ALG13: variants seen among roughly 807,000 people sequenced by gnomAD.
The protein encoded by ALG13 is UDP-N-acetylglucosamine transferase subunit ALG13.
ALG13 carries 11 observed loss-of-function variants against 87.8 expected under a neutral mutation model. The ratio of observed to expected loss-of-function variants is 0.13; its 90% CI spans 0.08 to 0.21. The LOEUF is 0.21. Among genes scored for constraint, ALG13 ranks in the 10% least tolerant of loss-of-function variants. ALG13 has a pLI of 1.00. For synonymous variants in ALG13, 320 were observed against 306.3 expected (o/e 1.04, Z -0.47); for missense variants, 756 against 866.1 (o/e 0.87, Z 1.60).
chrX:111,693,133 G>C (rs1259329722), intron 3 of ALG13, among the ~76,000 whole-genome samples: 1 of 102,432 alleles, frequency 9.8e-6, no homozygotes. Flanking sequence ...TTCCCTACGT[G>C]AATGCTCTAT....
chrX:111,738,872 G>A (rs1943496068), intron 23 of ALG13, among the ~76,000 whole-genome samples: 1 of 108,549 alleles, frequency 9.2e-6, no homozygotes. Context: ...GTAAGAAGAG[G>A]GAAATCTAAA....
chrX:111,725,168 T>C, intron 15 of ALG13, 107 bp downstream of exon 15: 1 of 964,832 alleles, frequency 1.0e-6, no homozygotes, highest in Non-Finnish European at 1.4e-6. Flanking sequence ...TGTTGTAGGG[T>C]AGGGTTTCTC....
At chrX:111,752,927 A>G in intron 25 of ALG13, 97 bp downstream of exon 25, 1 of 575,293 alleles carries the variant, frequency 1.7e-6, no homozygotes, top group Non-Finnish European at 2.8e-6. Context: ...CAAAATCACT[A>G]AGGGGACTAA....
intron 25 of ALG13, among the ~76,000 whole-genome samples, chrX:111,756,374 A>G (rs1036160230): frequency 1.8e-5 from 2 of 111,664 alleles, no homozygotes; most frequent in Non-Finnish European, 3.8e-5. Context: ...ACAAACCTGC[A>G]TGTTCTGCAT....
chrX:111,700,532 T>C (rs1185002017), intron 3 of ALG13, among the ~76,000 whole-genome samples: 2 of 109,999 alleles, frequency 1.8e-5, no homozygotes, highest in East Asian at 2.9e-4. Flanking sequence ...TGTACTGATA[T>C]ACATTTCCTG....
chrX:111,691,611 G>A (rs1481745678), intron 3 of ALG13, among the ~76,000 whole-genome samples: 1 of 112,423 alleles, frequency 8.9e-6, no homozygotes, highest in Non-Finnish European at 1.9e-5. Context: ...AAGAGATGTT[G>A]TGGAAATTGT....
intron 24 of ALG13, among the ~76,000 whole-genome samples, chrX:111,746,214 G>A (rs1461807730): frequency 1.8e-5 from 2 of 111,472 alleles, no homozygotes; most frequent in East Asian, 5.7e-4. Flanking sequence ...AAACTTAAAT[G>A]CACATTAGCT....
intron 24 of ALG13, among the ~76,000 whole-genome samples, chrX:111,748,989 C>T (rs975797179): frequency 1.0e-4 from 11 of 110,131 alleles, no homozygotes; most frequent in Non-Finnish European, 1.5e-4. Flanking sequence ...AGGCTGAGGC[C>T]GGAGAATCAC....
At chrX:111,726,525 C>T (rs1942065481) in intron 15 of ALG13, among the ~76,000 whole-genome samples, 2 of 111,266 alleles carry the variant, frequency 1.8e-5, no homozygotes, top group Non-Finnish European at 3.8e-5. Context: ...AGCCACCGTG[C>T]CTGGCCATGG....
chrX:111,719,155 T>C (rs1474691916), intron 10 of ALG13, among the ~76,000 whole-genome samples: 1 of 108,870 alleles, frequency 9.2e-6, no homozygotes, highest in African/African-American at 3.4e-5. Context: ...GCCTCCCGAG[T>C]AGCTGGGACT....
chrX:111,721,811 A>C, intron 12 of ALG13, 100 bp downstream of exon 12: 1 of 482,474 alleles, frequency 2.1e-6, no homozygotes, highest in East Asian at 3.9e-5. Context: ...ACTGTTATAA[A>C]AAATAGCCTG....
chrX:111,742,541 A>G (rs777602918), intron 23 of ALG13, among the ~76,000 whole-genome samples: 1 of 112,402 alleles, frequency 8.9e-6, no homozygotes, highest in South Asian at 3.7e-4. Context: ...TATCAATTGT[A>G]AATAAAGACA....
chrX:111,717,772 G>C, intron 8 of ALG13, 74 bp from the exon 9 acceptor site: 1 of 730,866 alleles, frequency 1.4e-6, no homozygotes, highest in South Asian at 3.4e-5. Flanking sequence ...TCAATTTCAA[G>C]TTAATTATCA....
intron 3 of ALG13, among the ~76,000 whole-genome samples, chrX:111,701,436 G>A (rs1323905387): frequency 9.0e-6 from 1 of 111,360 alleles, no homozygotes; most frequent in Non-Finnish European, 1.9e-5. Flanking sequence ...TTGGTAGGTT[G>A]TATGTGTCTA....
chrX:111,726,735 G>T, intron 15 of ALG13, 74 bp from the exon 16 acceptor site: 6 of 1,122,352 alleles, frequency 5.3e-6, no homozygotes. Flanking sequence ...TTAAGGCAGT[G>T]TGGTGGTGAC....
rs187240766 is a variant in ALG13 at position 111,685,610 on chromosome X, G to A, written c.383+507G>A. Among the ~76,000 whole-genome samples the A allele has an allele frequency of 2.7e-5, 3 of 112,342 alleles. No homozygotes were observed. The East Asian group carries it at 8.4e-4, about 31-fold the overall frequency. ...GAGATAAAGTCCCTGTTCTTATGGT[G>A]CTTACATTCTAGTGGTGGAAAATTG... is the stretch of plus-strand genomic sequence containing the variant. On this transcript the variant is annotated intron_variant, in intron 3 of 26. Transcript: ENST00000394780.
chrX:111,742,018 TTTTA>T (rs1300177577), intron 23 of ALG13, among the ~76,000 whole-genome samples: 1 of 112,047 alleles, frequency 8.9e-6, no homozygotes, highest in Non-Finnish European at 1.9e-5. Context: ...CATTGTAATG[TTTTA>T]TTTATGTGGA....
intron 21 of ALG13, 50 bp downstream of exon 21, chrX:111,730,630 G>T (rs1223142364): frequency 1.1e-6 from 1 of 939,752 alleles, no homozygotes; most frequent in South Asian, 2.2e-5. Context: ...ATGTACTAGG[G>T]CACTGTTAAG....
chrX:111,708,647 TAAG>T (rs1939192333), intron 4 of ALG13, among the ~76,000 whole-genome samples: 1 of 111,156 alleles, frequency 9.0e-6, no homozygotes, highest in Non-Finnish European at 1.9e-5. Context: ...AGGGGTAAGA[TAAG>T]GAGGCTAAAG....
Sources: allele counts gnomAD v4.1 joint callset (sites outside exome capture counted in the v4.1 genomes callset), GRCh38; gene constraint gnomAD v4.1.1; transcripts MANE v1.5; gene names NCBI Gene and HGNC (gene_info 2026-07-23, HGNC 2026-07-21).